The following HTR2C variants were observed in gnomAD, a reference collection of about 807,000 sequenced individuals.
HTR2C encodes the protein 5-hydroxytryptamine receptor 2C, also known as 5-hydroxytryptamine (serotonin) receptor 2C, G protein-coupled.
Under a neutral mutation model 21.0 loss-of-function variants are expected in HTR2C, and 5 were observed. That is an observed-to-expected ratio of 0.24 (90% CI 0.12 to 0.50). The LOEUF is 0.50. Among genes scored for constraint, HTR2C ranks in the 20% least tolerant of loss-of-function variants. The pLI is 0.98. For synonymous variants in HTR2C, 150 were observed against 145.3 expected, an observed-to-expected ratio of 1.03 and a Z score of -0.23; for missense variants, 271 against 371.2, an observed-to-expected ratio of 0.73 and a Z score of 2.22.
Position 114,691,079 on chromosome X carries a change from T to A in HTR2C, c.-79-35779T>A, listed in dbSNP as rs781943231. ...AATTCCATTTTATAGAAGAAGCAATTGAAGGTAAAAATGATTGAGTGTCTT... is the reference window on the plus strand; with the variant it reads ...AATTCCATTTTATAGAAGAAGCAATAGAAGGTAAAAATGATTGAGTGTCTT... On this transcript the variant is annotated intron_variant, in intron 2 of 5. Coordinates refer to ENST00000276198, the MANE Select transcript of HTR2C (RefSeq NM_000868.4). 1.9e-4 allele frequency among the ~76,000 whole-genome samples: 21 copies of A among 111,260 alleles called. No individual in the cohort carries two copies. The South Asian group carries it at 7.6e-3, about 40-fold the overall frequency.
intron 2 of HTR2C, among the ~76,000 whole-genome samples, chrX:114,667,384 G>T (rs782141307): frequency 9.1e-6 from 1 of 110,464 alleles, no homozygotes; most frequent in Non-Finnish European, 1.9e-5. Flanking sequence ...TTGTTTTTTA[G>T]TATTGGGTAC....
At chrX:114,651,792 A>T (rs1219435928) in intron 2 of HTR2C, among the ~76,000 whole-genome samples, 1 of 111,957 alleles carries the variant, frequency 8.9e-6, no homozygotes, top group Non-Finnish European at 1.9e-5. Context: ...CTTCTATTAT[A>T]ATACATTTTT....
At chrX:114,585,313 G>A (rs1308050110) in intron 1 of HTR2C, among the ~76,000 whole-genome samples, 1 of 111,709 alleles carries the variant, frequency 9.0e-6, no homozygotes, top group Non-Finnish European at 1.9e-5. Context: ...GAACAGCGCT[G>A]CTGGTGATCA....
intron 4 of HTR2C, among the ~76,000 whole-genome samples, chrX:114,796,725 A>G (rs1409875930): frequency 2.7e-5 from 3 of 111,183 alleles, no homozygotes; most frequent in African/African-American, 3.3e-5. Context: ...CAGACAACAG[A>G]TCTCTCTTCT....
chrX:114,700,861 C>A (rs1414471867), intron 2 of HTR2C, among the ~76,000 whole-genome samples: 1 of 112,595 alleles, frequency 8.9e-6, no homozygotes, highest in Non-Finnish European at 1.9e-5. Context: ...CACCCCAATA[C>A]TGCGCTTTTC....
chrX:114,727,055 A>G, intron 3 of HTR2C, 84 bp downstream of exon 3: 1 of 533,616 alleles, frequency 1.9e-6, no homozygotes, highest in Non-Finnish European at 2.9e-6. Context: ...ATGCTTCTAT[A>G]TGATCAGCTA....
At chrX:114,880,127 A>T (rs1390401014) in intron 5 of HTR2C, among the ~76,000 whole-genome samples, 1 of 110,599 alleles carries the variant, frequency 9.0e-6, no homozygotes, top group African/African-American at 3.3e-5. Flanking sequence ...TTACAAAATT[A>T]TACAACTGTC....
chrX:114,897,842 T>C (rs2071308804), intron 5 of HTR2C, among the ~76,000 whole-genome samples: 1 of 112,624 alleles, frequency 8.9e-6, no homozygotes, highest in Non-Finnish European at 1.9e-5. Context: ...GTCTTTGCTA[T>C]TGTGAATAGT....
At chrX:114,744,813 T>A (rs1388104086) in intron 4 of HTR2C, among the ~76,000 whole-genome samples, 1 of 111,720 alleles carries the variant, frequency 9.0e-6, no homozygotes, top group African/African-American at 3.3e-5. Flanking sequence ...AGACAATCAA[T>A]TTAAAAAGAG....
intron 4 of HTR2C, among the ~76,000 whole-genome samples, chrX:114,760,943 A>G (rs1556432153): frequency 1.8e-5 from 2 of 111,635 alleles, no homozygotes; most frequent in Admixed American, 1.9e-4. Context: ...TTCTCACTTC[A>G]TTACTAGCAT....
At chrX:114,641,148 A>T (rs782226769) in intron 2 of HTR2C, among the ~76,000 whole-genome samples, 2 of 107,531 alleles carry the variant, frequency 1.9e-5, no homozygotes, top group African/African-American at 6.8e-5. Context: ...ATCGCAGCTC[A>T]CTATAACCTC....
intron 4 of HTR2C, chrX:114,775,378 T>A (rs2070046626): frequency 5.6e-6 from 3 of 531,553 alleles, no homozygotes; most frequent in Non-Finnish European, 1.0e-5. Context: ...GCAGAAGGTA[T>A]GCCTGTGAGT....
chrX:114,649,035 C>G (rs868968148), intron 2 of HTR2C, among the ~76,000 whole-genome samples: 1 of 111,705 alleles, frequency 9.0e-6, no homozygotes, highest in Non-Finnish European at 1.9e-5. Flanking sequence ...GATACTTTAA[C>G]GTCAACAGAT....
intron 4 of HTR2C, among the ~76,000 whole-genome samples, chrX:114,767,888 G>A (rs926501662): frequency 9.1e-6 from 1 of 109,725 alleles, no homozygotes; most frequent in Non-Finnish European, 1.9e-5. Flanking sequence ...ACCAGTGAGT[G>A]GCACATATAA....
At chrX:114,662,448 C>T (rs1165782781) in intron 2 of HTR2C, among the ~76,000 whole-genome samples, 1 of 111,563 alleles carries the variant, frequency 9.0e-6, no homozygotes, top group African/African-American at 3.3e-5. Context: ...AACACACACA[C>T]ACCAAGATGC....
At chrX:114,785,555 A>G (rs1602782078) in intron 4 of HTR2C, among the ~76,000 whole-genome samples, 1 of 111,874 alleles carries the variant, frequency 8.9e-6, no homozygotes, top group East Asian at 2.8e-4. Context: ...GGACTTTTCC[A>G]TAAGTGGCTC....
chrX:114,698,024 AGGACTGAGGTCCCT>A (rs1932330211), intron 2 of HTR2C, among the ~76,000 whole-genome samples: 1 of 111,793 alleles, frequency 8.9e-6, no homozygotes, highest in African/African-American at 3.3e-5. Context: ...TTAGGGTTGT[AGGACTGAGGTCCCT>A]GCTTCCTTGC....
intron 4 of HTR2C, among the ~76,000 whole-genome samples, chrX:114,761,873 CTATATATATATATATGTG>C (rs1461016914): frequency 4.5e-3 from 70 of 15,679 alleles, no homozygotes; most frequent in Non-Finnish European, 0.01. Flanking sequence ...CTCTCTCTCT[CTATATATATATATATGTG>C]TATATATACA....
intron 4 of HTR2C, among the ~76,000 whole-genome samples, chrX:114,807,216 T>TACCATGTATATATACACCATATATAC (rs2070475367): frequency 2.9e-5 from 2 of 69,917 alleles, no homozygotes; most frequent in African/African-American, 1.5e-4. Context: ...ACCATATATA[T>TACCATGTATATATACACCATATATAC]ACCATGTATA....
Sources: gnomAD v4.1 joint callset for allele counts (sites outside exome capture counted in the v4.1 genomes callset) on GRCh38, gnomAD v4.1.1 for gene constraint, MANE v1.5 for transcripts, NCBI Gene and HGNC (gene_info 2026-07-23, HGNC 2026-07-21) for gene names.